Variants in TAFA2 observed in about 807,000 individuals in gnomAD.
TAFA2 encodes chemokine-like protein TAFA-2.
In TAFA2, 7 loss-of-function variants were observed where a neutral mutation model predicts 18.8. That is an observed-to-expected ratio of 0.37 (90% confidence interval 0.21 to 0.70). The LOEUF (loss-of-function observed/expected upper bound fraction) is 0.70. Ranked by LOEUF, TAFA2 falls within the 30% of genes least tolerant of loss-of-function variation. The pLI is 0.53. For synonymous variants in TAFA2, 60 were observed against 54.2 expected, an observed-to-expected ratio of 1.11 and a Z score of -0.47; for missense variants, 122 against 158.1, an observed-to-expected ratio of 0.77 and a Z score of 1.23.
At chr12:61,812,700 G>C (rs948303775) in intron 2 of TAFA2, among the ~76,000 whole-genome samples, 11 of 150,478 alleles carry the variant, frequency 7.3e-5, no homozygotes, top group African/African-American at 2.7e-4. Context: ...CTCATGAGTA[G>C]CTGGGATTAC....
chr12:61,797,048 A>C (rs1162875874), intron 2 of TAFA2, among the ~76,000 whole-genome samples: 1 of 152,214 alleles, frequency 6.6e-6, no homozygotes, highest in Non-Finnish European at 1.5e-5. Flanking sequence ...TCACAAGAGT[A>C]AATCTTGGTA....
intron 2 of TAFA2, among the ~76,000 whole-genome samples, chr12:61,832,142 T>C (rs1872744031): frequency 6.6e-6 from 1 of 152,048 alleles, no homozygotes; most frequent in Non-Finnish European, 1.5e-5. Flanking sequence ...CTAATTACCC[T>C]TTCTTAGATC....
intron 1 of TAFA2, among the ~76,000 whole-genome samples, chr12:62,206,263 A>G (rs2062691203): frequency 6.6e-6 from 1 of 152,224 alleles, no homozygotes; most frequent in Non-Finnish European, 1.5e-5. Context: ...ATGAAAGGAC[A>G]TCTGTCTTGG....
intron 1 of TAFA2, among the ~76,000 whole-genome samples, chr12:62,028,214 G>C (rs1881359806): frequency 6.6e-6 from 1 of 152,140 alleles, no homozygotes; most frequent in South Asian, 2.1e-4. Flanking sequence ...GTGAAAACTT[G>C]TTTTCTATGG....
chr12:62,056,802 G>A lies in TAFA2; in HGVS notation c.-2+134457C>T, dbSNP rs528239979. Among the ~76,000 whole-genome samples, 86 of 152,338 alleles carry A rather than the reference G, an allele frequency of 5.6e-4. 1 individual carries two copies. The highest frequency in any genetic ancestry group is 2.0e-3 in the African/African-American group (84 of 41,574). ...ACACCAACTACTGCATTCACTAGGA[G>A]GAGAAATGGGTGCTGCCTACATCAA... On this transcript the variant is annotated intron_variant, in intron 1 of 4. Transcript: ENST00000416284.
At chr12:61,809,774 C>G (rs1565641893) in intron 2 of TAFA2, among the ~76,000 whole-genome samples, 1 of 151,202 alleles carries the variant, frequency 6.6e-6, no homozygotes, top group Non-Finnish European at 1.5e-5. Flanking sequence ...CCTTGTGAAC[C>G]TACTTCACCC....
At chr12:61,741,018 G>C (rs1868419712) in intron 4 of TAFA2, among the ~76,000 whole-genome samples, 1 of 151,912 alleles carries the variant, frequency 6.6e-6, no homozygotes, top group South Asian at 2.1e-4. Flanking sequence ...TTGGCAATTT[G>C]AGTTTTATAT....
chr12:61,902,471 A>AT, intron 1 of TAFA2, among the ~76,000 whole-genome samples: 1 of 152,112 alleles, frequency 6.6e-6, no homozygotes, highest in African/African-American at 2.4e-5. Flanking sequence ...GCATACCCTT[A>AT]TTTTTTAACA....
intron 1 of TAFA2, among the ~76,000 whole-genome samples, chr12:62,017,563 T>A (rs1427141408): frequency 6.6e-6 from 1 of 152,140 alleles, no homozygotes; most frequent in Non-Finnish European, 1.5e-5. Context: ...AACCAAGACC[T>A]AAGAGTTGGC....
chr12:61,746,918 G>C (rs927062285), intron 4 of TAFA2, among the ~76,000 whole-genome samples: 1 of 152,088 alleles, frequency 6.6e-6, no homozygotes, highest in Non-Finnish European at 1.5e-5. Context: ...ACTACCATCA[G>C]AGTGAACAGG....
intron 1 of TAFA2, among the ~76,000 whole-genome samples, chr12:61,955,633 A>AAAAATATT (rs1878657032): frequency 1.1e-4 from 1 of 8,778 alleles, no homozygotes; most frequent in Non-Finnish European, 2.2e-4. Context: ...AAAAAAAAAA[A>AAAAATATT]TATATATATA....
chr12:61,862,965 G>T (rs1565660382), intron 2 of TAFA2, among the ~76,000 whole-genome samples: 1 of 152,184 alleles, frequency 6.6e-6, no homozygotes, highest in East Asian at 1.9e-4. Flanking sequence ...TGAAAACAAA[G>T]ATGTTTGTCT....
At chr12:62,225,537 TG>T (rs2062782387) in intron 1 of TAFA2, among the ~76,000 whole-genome samples, 1 of 151,838 alleles carries the variant, frequency 6.6e-6, no homozygotes, top group Non-Finnish European at 1.5e-5. Context: ...TTTAAATACA[TG>T]AAAAAAACCC....
chr12:62,022,880 T>C (rs537689687), intron 1 of TAFA2, among the ~76,000 whole-genome samples: 4 of 152,284 alleles, frequency 2.6e-5, no homozygotes, highest in African/African-American at 9.6e-5. Flanking sequence ...TTCCCAGGGG[T>C]TCCCATGGCT....
At chr12:62,049,682 A>G (rs1249842550) in intron 1 of TAFA2, among the ~76,000 whole-genome samples, 2 of 152,216 alleles carry the variant, frequency 1.3e-5, no homozygotes, top group African/African-American at 4.8e-5. Context: ...CTAGAAAGTC[A>G]ACATATACAG....
intron 2 of TAFA2, among the ~76,000 whole-genome samples, chr12:61,806,149 G>A (rs373224557): frequency 3.3e-5 from 5 of 152,250 alleles, no homozygotes; most frequent in African/African-American, 1.2e-4. Flanking sequence ...ATGTATACCA[G>A]TTAGAAAAAT....
At chr12:62,103,858 T>A (rs969574379) in intron 1 of TAFA2, among the ~76,000 whole-genome samples, 1 of 152,062 alleles carries the variant, frequency 6.6e-6, no homozygotes, top group African/African-American at 2.4e-5. Context: ...AATGTCTAAT[T>A]ATTCAGGCAT....
intron 1 of TAFA2, among the ~76,000 whole-genome samples, chr12:62,102,648 G>T (rs1313592558): frequency 6.6e-6 from 1 of 152,054 alleles, no homozygotes; most frequent in Non-Finnish European, 1.5e-5. Flanking sequence ...TAAACTACAT[G>T]GCTTTATAGA....
intron 1 of TAFA2, among the ~76,000 whole-genome samples, chr12:62,250,699 A>G (rs973586061): frequency 1.3e-5 from 2 of 152,166 alleles, no homozygotes; most frequent in African/African-American, 4.8e-5. Context: ...CTGTTCTTCC[A>G]TATTTTCATG....
Sources: gnomAD v4.1 joint callset for allele counts (sites outside exome capture counted in the v4.1 genomes callset) on GRCh38, gnomAD v4.1.1 for gene constraint, MANE v1.5 for transcripts, NCBI Gene and HGNC (gene_info 2026-07-23, HGNC 2026-07-21) for gene names.